Variants in PARD3B observed in about 807,000 individuals in gnomAD.
PARD3B encodes the protein partitioning defective 3 homolog B.
In PARD3B, 103 loss-of-function variants were observed where a neutral mutation model predicts 130.2. That is an observed-to-expected ratio of 0.79 (90% CI 0.67 to 0.93). PARD3B has a LOEUF of 0.93. Ranked by LOEUF, PARD3B falls within the 40% of genes least tolerant of loss-of-function variation. The probability of loss-of-function intolerance (pLI) is 0.00; values close to 1 mark genes in which losing one functional copy is unlikely to be tolerated. For synonymous variants in PARD3B, 583 were observed against 553.2 expected, an observed-to-expected ratio of 1.05 and a Z score of -0.76; for missense variants, 1,609 against 1,499.2, an observed-to-expected ratio of 1.07 and a Z score of -1.21.
chr2:205,434,766 AG>A, intron 19 of PARD3B, among the ~76,000 whole-genome samples: 1 of 152,334 alleles, frequency 6.6e-6, no homozygotes, highest in Middle Eastern at 3.4e-3. Context: ...GAGTTGACAA[AG>A]GGATCATGAG....
chr2:205,515,623 A>G (rs925238677), intron 21 of PARD3B, among the ~76,000 whole-genome samples: 1 of 148,406 alleles, frequency 6.7e-6, no homozygotes, highest in African/African-American at 2.5e-5. Flanking sequence ...AAAAGTATCT[A>G]TTCATGTCCT....
chr2:205,052,545 T>C (rs1699296570), intron 4 of PARD3B, among the ~76,000 whole-genome samples: 1 of 150,458 alleles, frequency 6.6e-6, no homozygotes, highest in Admixed American at 6.6e-5. Flanking sequence ...TGAAGTTTTA[T>C]GCCTTAGCCA....
intron 19 of PARD3B, among the ~76,000 whole-genome samples, chr2:205,403,598 T>G (rs1259367383): frequency 6.6e-6 from 1 of 152,136 alleles, no homozygotes. Flanking sequence ...TACATCAGAA[T>G]GAATCATTAG....
intron 1 of PARD3B, among the ~76,000 whole-genome samples, chr2:204,685,661 C>T (rs1050334885): frequency 6.6e-6 from 1 of 152,156 alleles, no homozygotes; most frequent in Non-Finnish European, 1.5e-5. Context: ...TTGCATATCT[C>T]AGAGTGAGGC....
At chr2:204,676,123 G>A (rs570946862) in intron 1 of PARD3B, among the ~76,000 whole-genome samples, 7 of 151,162 alleles carry the variant, frequency 4.6e-5, no homozygotes, top group Admixed American at 1.3e-4. Context: ...TTTTTGGGGC[G>A]GGGGGTGGTA....
chr2:205,505,418 T>C (rs1208717667), intron 21 of PARD3B, among the ~76,000 whole-genome samples: 2 of 131,746 alleles, frequency 1.5e-5, no homozygotes, highest in Non-Finnish European at 3.3e-5. Context: ...AATAAATGAA[T>C]ACACACACAC....
At chr2:205,582,311 G>C (rs1348530664) in intron 22 of PARD3B, among the ~76,000 whole-genome samples, 2 of 152,148 alleles carry the variant, frequency 1.3e-5, no homozygotes, top group Non-Finnish European at 2.9e-5. Flanking sequence ...ACGTACTAGA[G>C]TCTCATAAAA....
rs537027735 is a variant in PARD3B, at chr2:205,268,977, T to C, written c.2185+23155T>C. ...TGTACCCAAGTATGAATAAAATAAG[T>C]ATAAATCATTCATTTTTCAAAAACC... is the stretch of plus-strand genomic sequence containing the variant. On this transcript the variant is annotated intron_variant, in intron 16 of 22. Coordinates refer to ENST00000406610, the MANE Select transcript of PARD3B (RefSeq NM_001302769.2). The surrounding 1 kb of genome is among the most constrained non-coding windows in gnomAD (Gnocchi z 4.1). 2.0e-5 allele frequency among the ~76,000 whole-genome samples: 3 copies of C among 152,274 alleles called. No individual in the cohort carries two copies. The East Asian group carries it at 5.8e-4, about 29-fold the overall frequency.
At chr2:205,417,093 C>T (rs1380011590) in intron 19 of PARD3B, among the ~76,000 whole-genome samples, 3 of 123,102 alleles carry the variant, frequency 2.4e-5, no homozygotes, top group East Asian at 2.7e-4. Flanking sequence ...CCCCACCCCC[C>T]GGCAGGCCCC....
chr2:204,960,075 T>C (rs1575422262), intron 2 of PARD3B, among the ~76,000 whole-genome samples: 1 of 152,222 alleles, frequency 6.6e-6, no homozygotes, highest in East Asian at 1.9e-4. Context: ...ATGTGAAATT[T>C]TCACGACTTT....
intron 22 of PARD3B, among the ~76,000 whole-genome samples, chr2:205,571,592 C>T (rs1486902826): frequency 1.3e-5 from 2 of 152,124 alleles, no homozygotes; most frequent in Non-Finnish European, 1.5e-5. Context: ...TCCCAGAAGA[C>T]TCTGTTGGTA....
intron 20 of PARD3B, among the ~76,000 whole-genome samples, chr2:205,456,439 G>A (rs1231830606): frequency 6.6e-6 from 1 of 152,012 alleles, no homozygotes; most frequent in Non-Finnish European, 1.5e-5. Flanking sequence ...ACTATGTTGA[G>A]CCACAGTGGT....
intron 1 of PARD3B, among the ~76,000 whole-genome samples, chr2:204,582,503 T>C (rs1211334725): frequency 1.3e-5 from 2 of 151,676 alleles, no homozygotes; most frequent in East Asian, 1.9e-4. Context: ...AGATTGAGGT[T>C]CCCCCCCCTC....
chr2:204,554,987 C>G (rs529180657), intron 1 of PARD3B, among the ~76,000 whole-genome samples: 5 of 152,312 alleles, frequency 3.3e-5, no homozygotes, highest in African/African-American at 7.2e-5. Flanking sequence ...TGCTGAACAC[C>G]TGCTCTTTTT....
chr2:204,811,531 A>T (rs900641175), intron 2 of PARD3B, among the ~76,000 whole-genome samples: 11 of 152,126 alleles, frequency 7.2e-5, no homozygotes, highest in Non-Finnish European at 1.6e-4. Context: ...GTGGAATTTG[A>T]TGCTGGGTGA....
intron 15 of PARD3B, among the ~76,000 whole-genome samples, chr2:205,201,366 G>A (rs2036978137): frequency 6.6e-6 from 1 of 152,106 alleles, no homozygotes; most frequent in South Asian, 2.1e-4. Flanking sequence ...CTGGTTTATG[G>A]CATGTTTGGT....
At chr2:205,360,697 C>A (rs923494425) in intron 18 of PARD3B, among the ~76,000 whole-genome samples, 3 of 152,164 alleles carry the variant, frequency 2.0e-5, no homozygotes, top group African/African-American at 4.8e-5. Context: ...TGGGGCTGAA[C>A]TGCCCAGGTC....
chr2:205,552,272 G>C (rs1030695652), intron 21 of PARD3B, among the ~76,000 whole-genome samples: 1 of 149,006 alleles, frequency 6.7e-6, no homozygotes, highest in Non-Finnish European at 1.5e-5. Context: ...ACTTATGGGT[G>C]GCCATTCGTA....
In PARD3B at chr2:205,272,662, G is replaced by A. The variant is rs114821033; in HGVS notation, c.2185+26840G>A. On this transcript the variant is annotated intron_variant, in intron 16 of 22. Transcript: ENST00000406610. ...GGCCTCCTGCGTCTCCATCCATACC[G>A]TGTAGCTTCCAACCTCATGTTTGTG... Among the ~76,000 whole-genome samples the A allele has an allele frequency of 6.8e-3, 1,031 of 152,272 alleles. 14 individuals are homozygous for A. Among genetic ancestry groups the A allele is most frequent in the African/African-American group, 0.023 (963 of 41,536 alleles).
Sources: gnomAD v4.1 joint callset for allele counts (sites outside exome capture counted in the v4.1 genomes callset) on GRCh38, gnomAD v4.1.1 for gene constraint, Gnocchi (gnomAD v3.1) non-coding constraint, MANE v1.5 for transcripts, NCBI Gene and HGNC (gene_info 2026-07-23, HGNC 2026-07-21) for gene names.